Variants in EPB41 observed in about 807,000 individuals in gnomAD.
EPB41 encodes the protein protein 4.1.
EPB41 carries 65 observed loss-of-function variants against 108.0 expected under a neutral mutation model. That is an observed-to-expected ratio of 0.60 (90% CI 0.49 to 0.74). The LOEUF is 0.74. Ranked by LOEUF, EPB41 falls within the 30% of genes least tolerant of loss-of-function variation. EPB41 has a pLI of 0.00. For synonymous variants in EPB41, 336 were observed against 358.9 expected (o/e 0.94, Z 0.72); for missense variants, 875 against 1,037.0 (o/e 0.84, Z 2.15).
At chr1:29,061,068 A>G (rs1437275258) in intron 15 of EPB41, among the ~76,000 whole-genome samples, 1 of 152,122 alleles carries the variant, frequency 6.6e-6, no homozygotes, top group South Asian at 2.1e-4. Context: ...TTTAAAGATG[A>G]CAAAATTGAA....
intron 1 of EPB41, among the ~76,000 whole-genome samples, chr1:28,959,211 TC>T (rs1235102167): frequency 8.0e-5 from 11 of 137,952 alleles, no homozygotes; most frequent in Non-Finnish European, 1.7e-4. Flanking sequence ...AAAAGTTTGA[TC>T]TTTTTTTTTT....
chr1:28,975,940 C>CAAAAAAAAAAAAAAAAAAAA (rs775554564), intron 1 of EPB41, among the ~76,000 whole-genome samples: 2 of 67,670 alleles, frequency 3.0e-5, no homozygotes, highest in East Asian at 3.2e-4. Context: ...GACTCCATCT[C>CAAAAAAAAAAAAAAAAAAAA]AAAAAAAAAA....
intron 8 of EPB41, among the ~76,000 whole-genome samples, chr1:29,032,220 A>G (rs1341954327): frequency 1.3e-5 from 2 of 152,200 alleles, no homozygotes; most frequent in African/African-American, 4.8e-5. Context: ...ATGTTTCTAA[A>G]ACTGAAATGG....
chr1:29,012,768 A>G (rs12081600), intron 5 of EPB41, among the ~76,000 whole-genome samples: 11,354 of 152,246 alleles, frequency 0.075, 441 homozygotes, highest in African/African-American at 0.1. Flanking sequence ...TTTAGACCCT[A>G]TTTGTAATTG....
At chr1:28,888,993 A>G (rs1381648297) in intron 1 of EPB41, among the ~76,000 whole-genome samples, 1 of 152,150 alleles carries the variant, frequency 6.6e-6, no homozygotes, top group African/African-American at 2.4e-5. Context: ...GAAGAAAGGG[A>G]GCCAGAAGCT....
chr1:29,008,367 T>G (rs2096444214), intron 4 of EPB41, among the ~76,000 whole-genome samples: 1 of 152,226 alleles, frequency 6.6e-6, no homozygotes. Flanking sequence ...GGCTGTGTGC[T>G]TTTAGTATAC....
chr1:29,015,691 G>C lies in EPB41; in HGVS notation c.830-1G>C. On this transcript the variant is annotated splice_acceptor_variant, in intron 5 of 20. Coordinates refer to ENST00000343067, the MANE Select transcript of EPB41 (RefSeq NM_001376013.1). LOFTEE classifies it high-confidence loss of function. The stretch of plus-strand genomic sequence containing the variant: ...AAATTCTTTTGTGTTTATTTTTATA[G>C]GTGTCCCTTGGAATTTTACATTTAA... 6.3e-7 allele frequency: 1 copy of C among 1,595,826 alleles called. No individual in the cohort carries two copies. The highest frequency in any genetic ancestry group is 8.6e-7 in the Non-Finnish European group (1 of 1,164,198).
intron 1 of EPB41, among the ~76,000 whole-genome samples, chr1:28,983,494 T>A (rs2095803558): frequency 6.6e-6 from 1 of 152,128 alleles, no homozygotes; most frequent in South Asian, 2.1e-4. Context: ...TCCAGACCTA[T>A]TGAATCAGAC....
In EPB41 at chr1:29,061,572, G is replaced by GTTT. The variant is rs34413393; in HGVS notation, c.2007+1112_2007+1114dup. 5.8e-3 allele frequency among the ~76,000 whole-genome samples: 373 copies of GTTT among 64,038 alleles called. 51 individuals are homozygous for GTTT. Among genetic ancestry groups the GTTT allele is most frequent in the African/African-American group, 0.018 (294 of 16,294 alleles). The allele number at this position is 64,038 out of a possible 152,430, so 42.0% of individuals were successfully genotyped here. Reference sequence around the variant, plus strand: ...GCGTGAGCCACTGCGCCTGGCCTTTGTTTTTTTTTTTTTTTTTTTTTTTTT... The same window carrying GTTT: ...GCGTGAGCCACTGCGCCTGGCCTTTGTTTTTTTTTTTTTTTTTTTTTTTTTTTT... On this transcript the variant is annotated intron_variant, in intron 15 of 20. Transcript: ENST00000343067.
At chr1:28,888,961 C>T (rs759419595) in intron 1 of EPB41, among the ~76,000 whole-genome samples, 1 of 152,110 alleles carries the variant, frequency 6.6e-6, no homozygotes, top group Non-Finnish European at 1.5e-5. Flanking sequence ...AGAAACTTTG[C>T]GCAAGGAGGT....
At chr1:29,112,573 G>C (rs920364484) in intron 19 of EPB41, 125 bp downstream of exon 19, 2 of 770,934 alleles carry the variant, frequency 2.6e-6, no homozygotes, top group African/African-American at 1.7e-5. Context: ...TCTTAATTGA[G>C]AAGAAAGACA....
intron 7 of EPB41, among the ~76,000 whole-genome samples, chr1:29,026,377 T>C (rs1162164235): frequency 2.0e-5 from 3 of 151,974 alleles, no homozygotes; most frequent in Non-Finnish European, 1.5e-5. Flanking sequence ...AATATATAGA[T>C]AGGTAGATAT....
chr1:28,971,180 C>CTTTTTTTTTTTTTTTTTTTTTT (rs1000130058), intron 1 of EPB41, among the ~76,000 whole-genome samples: 2 of 66,322 alleles, frequency 3.0e-5, no homozygotes, highest in African/African-American at 6.5e-5. Flanking sequence ...TTCTTTCTTT[C>CTTTTTTTTTTTTTTTTTTTTTT]TTTTTTTTTT....
chr1:29,031,193 A>C (rs532643539), intron 8 of EPB41, among the ~76,000 whole-genome samples: 1 of 152,340 alleles, frequency 6.6e-6, no homozygotes, highest in South Asian at 2.1e-4. Context: ...CCTCAGAATA[A>C]AGTTTCATAT....
At chr1:28,892,434 A>G (rs148983220) in intron 1 of EPB41, among the ~76,000 whole-genome samples, 1 of 152,154 alleles carries the variant, frequency 6.6e-6, no homozygotes, top group African/African-American at 2.4e-5. Context: ...AGACAAGTAA[A>G]AACGAGGCCA....
At chr1:29,024,240 CAGG>C (rs1240898790) in intron 7 of EPB41, among the ~76,000 whole-genome samples, 1 of 151,834 alleles carries the variant, frequency 6.6e-6, no homozygotes, top group Admixed American at 6.6e-5. Flanking sequence ...GAGGCTGAGG[CAGG>C]AGAATTGCTT....
intron 2 of EPB41, among the ~76,000 whole-genome samples, chr1:28,990,112 T>G (rs1230861756): frequency 2.7e-5 from 4 of 150,318 alleles, no homozygotes; most frequent in Non-Finnish European, 4.4e-5. Context: ...AAAAATTAGC[T>G]GGGCGTGGTG....
chr1:28,933,814 C>T (rs1214332720), intron 1 of EPB41, among the ~76,000 whole-genome samples: 3 of 152,102 alleles, frequency 2.0e-5, no homozygotes, highest in Non-Finnish European at 4.4e-5. Flanking sequence ...AAAAAAACCA[C>T]ACACACGGTT....
chr1:29,019,975 A>G lies in EPB41; in HGVS notation c.1124+1533A>G, dbSNP rs1315180035. 2.6e-5 allele frequency among the ~76,000 whole-genome samples: 4 copies of G among 152,180 alleles called. No individual in the cohort carries two copies. The South Asian group carries it at 8.3e-4, about 32-fold the overall frequency. On this transcript the variant is annotated intron_variant, in intron 7 of 20. Coordinates refer to ENST00000343067, the MANE Select transcript of EPB41 (RefSeq NM_001376013.1). Reference sequence around the variant, plus strand: ...TAAGTTTTGACTTATTCCAGTACCAATGTCTGGAGTCACTAAATACACCAC... The same window carrying G: ...TAAGTTTTGACTTATTCCAGTACCAGTGTCTGGAGTCACTAAATACACCAC...
Sources: gnomAD v4.1 joint callset for allele counts (sites outside exome capture counted in the v4.1 genomes callset) on GRCh38, gnomAD v4.1.1 for gene constraint, MANE v1.5 for transcripts, NCBI Gene and HGNC (gene_info 2026-07-23, HGNC 2026-07-21) for gene names.